CTDSPL: variants seen among roughly 807,000 people sequenced by gnomAD.
CTDSPL encodes CTD small phosphatase-like protein.
CTDSPL carries 8 observed loss-of-function variants against 30.5 expected under a neutral mutation model. The observed-to-expected ratio is 0.26, with a 90% CI of 0.15 to 0.47. The LOEUF (loss-of-function observed/expected upper bound fraction) is 0.47, where lower values mean the gene tolerates loss of function less well. Ranked by LOEUF, CTDSPL falls within the 20% of genes least tolerant of loss-of-function variation. The pLI, the probability that CTDSPL is intolerant of heterozygous loss-of-function variation, is 0.99. For missense variants in CTDSPL, 248 were observed against 366.1 expected, an observed-to-expected ratio of 0.68 and a Z score of 2.63; for synonymous variants, 110 against 137.9, an observed-to-expected ratio of 0.80 and a Z score of 1.42.
chr3:37,941,258 C>T (rs939166964), intron 1 of CTDSPL, among the ~76,000 whole-genome samples: 1 of 150,012 alleles, frequency 6.7e-6, no homozygotes, highest in South Asian at 2.2e-4. Flanking sequence ...CTACTCCACC[C>T]GAGTTTGTGC....
intron 1 of CTDSPL, among the ~76,000 whole-genome samples, chr3:37,904,538 T>A (rs757710584): frequency 1.3e-5 from 2 of 152,096 alleles, no homozygotes; most frequent in Non-Finnish European, 2.9e-5. Flanking sequence ...CCCTTCCTAC[T>A]CCCTGGCTAG....
At chr3:37,922,000 G>C (rs559218292) in intron 1 of CTDSPL, among the ~76,000 whole-genome samples, 2 of 152,152 alleles carry the variant, frequency 1.3e-5, no homozygotes, top group Non-Finnish European at 2.9e-5. Context: ...TTGGGAGGCC[G>C]AGGCAGACAG....
intron 1 of CTDSPL, among the ~76,000 whole-genome samples, chr3:37,871,047 T>A: frequency 1.3e-5 from 2 of 152,330 alleles, no homozygotes; most frequent in Non-Finnish European, 2.9e-5. Context: ...TACATATACC[T>A]ACCATTATAG....
chr3:37,872,539 CT>C (rs34657967), intron 1 of CTDSPL, among the ~76,000 whole-genome samples: 6,522 of 51,032 alleles, frequency 0.13, 127 homozygotes, highest in Non-Finnish European at 0.16. Flanking sequence ...TACTTAGGCT[CT>C]TTTTTTTTTT....
At chr3:37,958,708 C>T (rs1239825285) in intron 3 of CTDSPL, among the ~76,000 whole-genome samples, 2 of 152,142 alleles carry the variant, frequency 1.3e-5, no homozygotes. Flanking sequence ...ACTGATAGAT[C>T]AATAAACTGC....
intron 3 of CTDSPL, among the ~76,000 whole-genome samples, chr3:37,960,577 C>CAA (rs1699234036): frequency 8.9e-6 from 1 of 111,822 alleles, no homozygotes; most frequent in Non-Finnish European, 1.7e-5. Context: ...CACACACACA[C>CAA]AATTAGCTGG....
chr3:37,915,709 T>C lies in CTDSPL; in HGVS notation c.80-31348T>C, dbSNP rs375625240. 6.6e-5 allele frequency among the ~76,000 whole-genome samples: 10 copies of C among 152,334 alleles called. No individual in the cohort carries two copies. In the East Asian group the frequency reaches 9.6e-4, roughly 15 times the overall value. ...GGACTCTTTAAGCATAGTTTTTTTA[T>C]TTAAAAATCCCATATCTAATAACAC... On this transcript the variant is annotated intron_variant, in intron 1 of 7. Coordinates refer to ENST00000273179, the MANE Select transcript of CTDSPL (RefSeq NM_001008392.2).
intron 7 of CTDSPL, among the ~76,000 whole-genome samples, chr3:37,977,198 A>C (rs111271505): frequency 7.0e-4 from 107 of 152,336 alleles, no homozygotes; most frequent in Non-Finnish European, 1.2e-3. Flanking sequence ...TTTTTAATAT[A>C]ATCACAAGTC....
chr3:37,975,923 G>T lies in CTDSPL; in HGVS notation c.705+29G>T, dbSNP rs369534676. The T allele has an allele frequency of 6.2e-6, 10 of 1,605,114 alleles. No homozygotes were observed. Among genetic ancestry groups the T allele is most frequent in the Non-Finnish European group, 8.5e-6 (10 of 1,173,304 alleles). ...AGTGGCCCCAAAGAAAGAAAATGTC[G>T]TGCTCCATCTGAGCCCTCTGTCTTG... On this transcript the variant is annotated intron_variant, in intron 7 of 7. Coordinates refer to ENST00000273179, the MANE Select transcript of CTDSPL (RefSeq NM_001008392.2). The surrounding 1 kb of genome is among the most constrained non-coding windows in gnomAD (Gnocchi z 4.9).
chr3:37,866,973 G>A (rs1698017440), intron 1 of CTDSPL, among the ~76,000 whole-genome samples: 1 of 152,084 alleles, frequency 6.6e-6, no homozygotes, highest in Admixed American at 6.6e-5. Flanking sequence ...CCTCTACCCG[G>A]TTTCTCTTAT....
chr3:37,866,017 T>G lies in CTDSPL; in HGVS notation c.79+3739T>G, dbSNP rs191125991. On this transcript the variant is annotated intron_variant, in intron 1 of 7. Transcript: ENST00000273179. ...CCAAACAGCAGTATTGACCACACAT[T>G]GAAAGCTCCTGTTCTACTTCTGAGT... 1.3e-4 allele frequency among the ~76,000 whole-genome samples: 20 copies of G among 152,342 alleles called. No homozygotes were observed. The East Asian group carries it at 3.9e-3, about 29-fold the overall frequency.
intron 1 of CTDSPL, among the ~76,000 whole-genome samples, chr3:37,923,640 T>A (rs1698745754): frequency 6.6e-6 from 1 of 152,192 alleles, no homozygotes; most frequent in African/African-American, 2.4e-5. Flanking sequence ...CTTAAACATA[T>A]CTTATAAAGC....
chr3:37,868,761 C>A (rs1698040730), intron 1 of CTDSPL, among the ~76,000 whole-genome samples: 1 of 152,038 alleles, frequency 6.6e-6, no homozygotes, highest in South Asian at 2.1e-4. Flanking sequence ...TCCCACTGAT[C>A]TATATGTCCA....
At chr3:37,886,899 C>A in intron 1 of CTDSPL, among the ~76,000 whole-genome samples, 1 of 152,286 alleles carries the variant, frequency 6.6e-6, no homozygotes, top group Admixed American at 6.5e-5. Flanking sequence ...GAAAACCTCC[C>A]TGGATGATCC....
chr3:37,877,828 G>A (rs1432300847), intron 1 of CTDSPL, among the ~76,000 whole-genome samples: 2 of 152,158 alleles, frequency 1.3e-5, no homozygotes, highest in Admixed American at 1.3e-4. Flanking sequence ...GCAAGAGAGA[G>A]AGCGAGGAGG....
At chr3:37,926,118 T>C (rs1452226746) in intron 1 of CTDSPL, among the ~76,000 whole-genome samples, 1 of 152,210 alleles carries the variant, frequency 6.6e-6, no homozygotes, top group Non-Finnish European at 1.5e-5. Flanking sequence ...TGGGGTGATC[T>C]GTGGTAGCTG....
At chr3:37,894,587 T>C (rs1052646237) in intron 1 of CTDSPL, among the ~76,000 whole-genome samples, 3 of 152,212 alleles carry the variant, frequency 2.0e-5, no homozygotes, top group Non-Finnish European at 4.4e-5. Context: ...TTAGACTTTA[T>C]TGAACTTCTT....
At chr3:37,927,013 G>A (rs758957760) in intron 1 of CTDSPL, among the ~76,000 whole-genome samples, 3 of 152,168 alleles carry the variant, frequency 2.0e-5, no homozygotes, top group Non-Finnish European at 4.4e-5. Context: ...TCACATCTTG[G>A]CCAGTAAAAT....
chr3:37,951,762 G>A (rs1460772204), intron 2 of CTDSPL, among the ~76,000 whole-genome samples: 1 of 152,012 alleles, frequency 6.6e-6, no homozygotes, highest in East Asian at 1.9e-4. Flanking sequence ...TTAGAAAATA[G>A]ATCTTTAAAA....
Sources: allele counts gnomAD v4.1 joint callset (sites outside exome capture counted in the v4.1 genomes callset), GRCh38; gene constraint gnomAD v4.1.1; non-coding constraint Gnocchi (gnomAD v3.1); transcripts MANE v1.5; gene names NCBI Gene and HGNC (gene_info 2026-07-23, HGNC 2026-07-21).